PAM: variants seen among roughly 807,000 people sequenced by gnomAD.
PAM encodes the protein peptidyl-glycine alpha-amidating monooxygenase.
PAM carries 72 observed loss-of-function variants against 122.1 expected under a neutral mutation model. The observed-to-expected ratio is 0.59, with a 90% CI of 0.49 to 0.72. PAM has a LOEUF of 0.72. Ranked by LOEUF, PAM falls within the 30% of genes least tolerant of loss-of-function variation. The pLI is 0.00. For missense variants in PAM, 1,106 were observed against 1,183.7 expected, an observed-to-expected ratio of 0.93 and a Z score of 0.96; for synonymous variants, 389 against 404.4, an observed-to-expected ratio of 0.96 and a Z score of 0.46.
Position 103,029,095 on chromosome 5 carries a change from A to G in PAM, c.*30A>G. The G allele has an allele frequency of 1.3e-6, 2 of 1,564,230 alleles. No homozygotes were observed. Among genetic ancestry groups the G allele is most frequent in the South Asian group, 1.2e-5 (1 of 84,562 alleles). ...CAAGCTTTGATTTAGATTGAGTAAG[A>G]TTTACCCAGAATGTCAGATTCCTTT... On this transcript the variant is annotated 3_prime_UTR_variant, in exon 26 of 26. Transcript: ENST00000438793.
chr5:102,859,585 T>C (rs1390222260), intron 1 of PAM, among the ~76,000 whole-genome samples: 4 of 152,140 alleles, frequency 2.6e-5, no homozygotes, highest in Admixed American at 2.6e-4. Context: ...TAATTTATTA[T>C]TGAAGAATAT....
chr5:102,880,861 T>A (rs1790750973), intron 3 of PAM, among the ~76,000 whole-genome samples: 1 of 152,086 alleles, frequency 6.6e-6, no homozygotes, highest in African/African-American at 2.4e-5. Flanking sequence ...CAAAATAAAT[T>A]ATTTCTTTGA....
chr5:102,866,488 C>G lies in PAM; in HGVS notation c.89+204C>G, dbSNP rs904089449. On this transcript the variant is annotated intron_variant, in intron 2 of 25. Transcript: ENST00000438793. ...CCAAGCAGTTCTGGCTTTCAAAACT[C>G]CAATTAGAAGTTGTGATTTCCAAAA... 5 of 559,914 alleles carry G rather than the reference C, an allele frequency of 8.9e-6. No individual in the cohort carries two copies. In the African/African-American group the frequency reaches 9.5e-5, roughly 11 times the overall value. The allele number at this position is 559,914 out of a possible 1,614,324, so 34.7% of individuals were successfully genotyped here.
intron 3 of PAM, among the ~76,000 whole-genome samples, chr5:102,881,149 C>CAT (rs1349991536): frequency 4.0e-4 from 61 of 151,646 alleles, no homozygotes; most frequent in African/African-American, 1.5e-3. Context: ...CACACACACA[C>CAT]ACACACAGAG....
Position 102,918,695 on chromosome 5 carries a change from T to G in PAM, c.356+4674T>G, listed in dbSNP as rs563316636. Among the ~76,000 whole-genome samples, 25 of 152,236 alleles carry G rather than the reference T, an allele frequency of 1.6e-4. No homozygotes were observed. In the South Asian group the frequency reaches 1.9e-3, roughly 11 times the overall value. ...GGCTTTGAAAATCATAATATTTTGT[T>G]TATACAAATTGTGTTGGCATTTGGG... On this transcript the variant is annotated intron_variant, in intron 5 of 25. Coordinates refer to ENST00000438793, the MANE Select transcript of PAM (RefSeq NM_001177306.2).
At chr5:102,883,976 T>C (rs1792157875) in intron 3 of PAM, among the ~76,000 whole-genome samples, 1 of 151,604 alleles carries the variant, frequency 6.6e-6, no homozygotes, top group Non-Finnish European at 1.5e-5. Flanking sequence ...TGATCATGTG[T>C]TAATCTTGCC....
intron 6 of PAM, among the ~76,000 whole-genome samples, chr5:102,926,111 G>A (rs1303660728): frequency 2.7e-5 from 4 of 150,696 alleles, no homozygotes; most frequent in Non-Finnish European, 5.9e-5. Flanking sequence ...TTTTTGAGAC[G>A]GAGTCTCGCT....
At chr5:102,809,347 T>C in intron 1 of PAM, among the ~76,000 whole-genome samples, 1 of 111,398 alleles carries the variant, frequency 9.0e-6, no homozygotes, top group African/African-American at 3.5e-5. Flanking sequence ...AAGACCTGTC[T>C]CTACCAAAAA....
At position 102,949,400 on chromosome 5, in the gene PAM, T is replaced by G. The variant is rs1162309201; in HGVS notation, c.644-137T>G. Reference sequence around the variant, plus strand: ...AAAGTGGCTGGCACAGAATAAGTGCTTAATATCTGTGTATTTAAGTCATAA... The same window carrying G: ...AAAGTGGCTGGCACAGAATAAGTGCGTAATATCTGTGTATTTAAGTCATAA... On this transcript the variant is annotated intron_variant, in intron 9 of 25. Transcript: ENST00000438793. 1.2e-5 allele frequency: 8 copies of G among 674,152 alleles called. No homozygotes were observed. The African/African-American group carries it at 1.3e-4, about 11-fold the overall frequency. The allele number at this position is 674,152 out of a possible 1,614,324, so 41.8% of individuals were successfully genotyped here.
At chr5:102,893,759 T>C (rs919668359) in intron 3 of PAM, among the ~76,000 whole-genome samples, 18 of 151,762 alleles carry the variant, frequency 1.2e-4, no homozygotes, top group African/African-American at 4.3e-4. Flanking sequence ...GTTTCCAGGG[T>C]TGGAAGTCAA....
chr5:102,799,121 A>G (rs1321281560), intron 1 of PAM, among the ~76,000 whole-genome samples: 1 of 152,242 alleles, frequency 6.6e-6, no homozygotes, highest in African/African-American at 2.4e-5. Context: ...TTGCTAAAAT[A>G]ACCTGGAATT....
intron 1 of PAM, among the ~76,000 whole-genome samples, chr5:102,840,677 G>T (rs1778332817): frequency 6.6e-6 from 1 of 152,148 alleles, no homozygotes; most frequent in African/African-American, 2.4e-5. Flanking sequence ...TAGCCTTCTT[G>T]CAGCTCATCA....
intron 7 of PAM, among the ~76,000 whole-genome samples, chr5:102,941,479 C>T (rs943659850): frequency 2.6e-5 from 4 of 152,206 alleles, no homozygotes; most frequent in African/African-American, 9.6e-5. Context: ...TCAGCAGCCT[C>T]CAGGAAAACC....
rs543381570 is a variant in PAM, at chr5:102,988,886, T to G, written c.1484-1386T>G. 2.0e-5 allele frequency among the ~76,000 whole-genome samples: 3 copies of G among 152,322 alleles called. No individual in the cohort carries two copies. In the South Asian group the frequency reaches 6.2e-4, roughly 32 times the overall value. On this transcript the variant is annotated intron_variant, in intron 15 of 25. Coordinates refer to ENST00000438793, the MANE Select transcript of PAM (RefSeq NM_001177306.2). ...TTTTCTGTAGTTGACAGAATTATTT[T>G]GAAGTGCTTGTTCTCACACAAGCAT... is the stretch of plus-strand genomic sequence containing the variant.
At chr5:102,768,954 A>G (rs930070075) in intron 1 of PAM, among the ~76,000 whole-genome samples, 6 of 152,144 alleles carry the variant, frequency 3.9e-5, no homozygotes, top group African/African-American at 1.4e-4. Context: ...GAACTAATTT[A>G]TATTCCCACC....
intron 3 of PAM, among the ~76,000 whole-genome samples, chr5:102,879,694 A>C (rs1160037360): frequency 2.0e-5 from 3 of 152,176 alleles, no homozygotes; most frequent in Non-Finnish European, 4.4e-5. Context: ...ACTGTAAGCC[A>C]ATTAAACCTC....
chr5:102,822,977 A>G (rs1772462252), intron 1 of PAM, among the ~76,000 whole-genome samples: 1 of 152,198 alleles, frequency 6.6e-6, no homozygotes, highest in African/African-American at 2.4e-5. Flanking sequence ...CTGATGTGCA[A>G]CCAAGAAACA....
chr5:102,765,365 ATAAAACATGTACAAAG>A (rs1483600015), intron 1 of PAM, among the ~76,000 whole-genome samples: 1 of 152,228 alleles, frequency 6.6e-6, no homozygotes, highest in Non-Finnish European at 1.5e-5. Context: ...AAAAAGTGAA[ATAAAACATGTACAAAG>A]TGTTTTAAGC....
intron 7 of PAM, among the ~76,000 whole-genome samples, chr5:102,930,491 G>T (rs897212400): frequency 6.6e-6 from 1 of 152,158 alleles, no homozygotes; most frequent in Non-Finnish European, 1.5e-5. Flanking sequence ...GCAGAGACAC[G>T]GGAGTGAAAC....
Sources: gnomAD v4.1 joint callset for allele counts (sites outside exome capture counted in the v4.1 genomes callset) on GRCh38, gnomAD v4.1.1 for gene constraint, MANE v1.5 for transcripts, NCBI Gene and HGNC (gene_info 2026-07-23, HGNC 2026-07-21) for gene names.